The following ABCC12 variants were observed in gnomAD, a reference collection of about 807,000 sequenced individuals.
ABCC12 encodes the protein ATP-binding cassette sub-family C member 12.
A neutral mutation model predicts 151.1 loss-of-function variants in ABCC12; 142 were observed. The observed-to-expected ratio is 0.94, with a 90% CI of 0.82 to 1.08. The LOEUF (loss-of-function observed/expected upper bound fraction) is 1.08. ABCC12 is among the 50% of genes least tolerant of loss of function. The pLI is 0.00. For synonymous variants in ABCC12, 645 were observed against 646.4 expected, an observed-to-expected ratio of 1.00 and a Z score of 0.03; for missense variants, 1,638 against 1,691.1, an observed-to-expected ratio of 0.97 and a Z score of 0.55.
rs1017943493 is a variant in ABCC12 at position 48,082,188 on chromosome 16, C to A, written c.*1527G>T. On this transcript the variant is annotated 3_prime_UTR_variant, in exon 31 of 31. Transcript: ENST00000311303. ...CCCTGGCTCACGTCCTTCTCAGCCA[C>A]ATGTCTTAGTGCACCCTCTGCTGAG... Among the ~76,000 whole-genome samples, 5 of 152,230 alleles carry A rather than the reference C, an allele frequency of 3.3e-5. No homozygotes were observed. The highest frequency in any genetic ancestry group is 3.3e-4 in the Admixed American group (5 of 15,284).
In ABCC12 at chr16:48,141,369, A is replaced by T; in HGVS notation, c.276-16T>A. ...GACTCGAAATCTGTGATGAAAAAACAGAAGCATAAAATGGATTGGCACTTC... is the reference window on the plus strand; with the variant it reads ...GACTCGAAATCTGTGATGAAAAAACTGAAGCATAAAATGGATTGGCACTTC... On this transcript the variant is annotated splice_polypyrimidine_tract_variant and intron_variant, in intron 4 of 30. Transcript: ENST00000311303. 2 of 1,595,436 alleles carry T rather than the reference A, an allele frequency of 1.3e-6. No individual in the cohort carries two copies. The highest frequency in any genetic ancestry group is 1.7e-6 in the Non-Finnish European group (2 of 1,179,290).
intron 13 of ABCC12, among the ~76,000 whole-genome samples, chr16:48,121,036 A>G (rs561888612): frequency 6.6e-6 from 1 of 152,346 alleles, no homozygotes; most frequent in South Asian, 2.1e-4. Flanking sequence ...CATTCTGTGC[A>G]ATAGATCACT....
Position 48,081,730 on chromosome 16 carries a change from G to A in ABCC12, c.*1985C>T, listed in dbSNP as rs144847930. 3.5e-4 allele frequency among the ~76,000 whole-genome samples: 54 copies of A among 152,308 alleles called. No individual in the cohort carries two copies. Among genetic ancestry groups the A allele is most frequent in the African/African-American group, 1.3e-3 (52 of 41,570 alleles). On this transcript the variant is annotated 3_prime_UTR_variant, in exon 31 of 31. Transcript: ENST00000311303. Reference sequence around the variant, plus strand: ...TTCTTCTGCCAGAGTAAACCAAAGCGAGTGTGGGCAGAAAAGGAGTCATAG... The same window carrying A: ...TTCTTCTGCCAGAGTAAACCAAAGCAAGTGTGGGCAGAAAAGGAGTCATAG...
chr16:48,127,164 T>C (rs957462461), intron 11 of ABCC12, among the ~76,000 whole-genome samples: 11 of 152,126 alleles, frequency 7.2e-5, no homozygotes, highest in Admixed American at 5.2e-4. Context: ...GAGCTTGACA[T>C]TGCATAATAA....
At chr16:48,114,582 C>T (rs921328965) in intron 15 of ABCC12, among the ~76,000 whole-genome samples, 2 of 152,176 alleles carry the variant, frequency 1.3e-5, no homozygotes, top group South Asian at 2.1e-4. Context: ...AGGAATCTCT[C>T]GTCGGGCAAG....
chr16:48,146,330 A>C lies in ABCC12; in HGVS notation c.95T>G (p.Met32Arg). 1 of 1,614,170 alleles carries C rather than the reference A, an allele frequency of 6.2e-7. No individual in the cohort carries two copies. The highest frequency in any genetic ancestry group is 8.5e-7 in the Non-Finnish European group (1 of 1,180,010). ...AERYDPSLKT[M>R]IPVRPCARLA... ...CCTTGCACAGGGTCGCACTGGGATCATGGTCTTCAGGCTGGGGTCATATCT... is the reference window on the plus strand; with the variant it reads ...CCTTGCACAGGGTCGCACTGGGATCCTGGTCTTCAGGCTGGGGTCATATCT... The change falls in exon 3 of 31, where the codon ATG becomes AGG. Residue 32 changes from methionine (M) to arginine (R), a missense_variant. Coordinates refer to ENST00000311303, the MANE Select transcript of ABCC12 (RefSeq NM_001393797.1).
chr16:48,153,312 T>A (rs1240139176), intron 2 of ABCC12, among the ~76,000 whole-genome samples: 1 of 152,234 alleles, frequency 6.6e-6, no homozygotes, highest in East Asian at 1.9e-4. Context: ...TTCTGTTACT[T>A]TTCTGTAAGT....
At position 48,088,725 on chromosome 16, in the gene ABCC12, G is replaced by T; in HGVS notation, c.3295C>A (p.Pro1099Thr). ...LLREYISTCV[P>T]ECTHPLKVGT... ...ACTTTGAGGGGATGAGTGCATTCAG[G>T]AACACAGGTCTGTAAAGGAGAATAA... is the stretch of plus-strand genomic sequence containing the variant. The change falls in exon 26 of 31, where the codon CCT (proline) becomes ACT (threonine). Residue 1099 changes from proline (P) to threonine (T), a missense_variant. Physicochemically the swap from Pro to Thr is conservative, Grantham distance 38. Coordinates refer to ENST00000311303, the MANE Select transcript of ABCC12 (RefSeq NM_001393797.1). 6.2e-7 allele frequency: 1 copy of T among 1,613,168 alleles called. No individual in the cohort carries two copies. Among genetic ancestry groups the T allele is most frequent in the Non-Finnish European group, 8.5e-7 (1 of 1,179,596 alleles).
chr16:48,108,082 A>G (rs1431554194), intron 19 of ABCC12, among the ~76,000 whole-genome samples: 1 of 152,180 alleles, frequency 6.6e-6, no homozygotes, highest in East Asian at 1.9e-4. Flanking sequence ...AGAGACAGAG[A>G]GTGAAACTAC....
At chr16:48,115,760 C>A in intron 14 of ABCC12, 142 bp from the exon 15 acceptor site, 1 of 868,208 alleles carries the variant, frequency 1.2e-6, no homozygotes, top group Non-Finnish European at 1.7e-6. Context: ...CCGCCCCTTA[C>A]AGGGCCCCCG....
chr16:48,112,387 G>A (rs1963727805), intron 15 of ABCC12, among the ~76,000 whole-genome samples: 1 of 152,186 alleles, frequency 6.6e-6, no homozygotes, highest in Non-Finnish European at 1.5e-5. Context: ...CCTAAGGTCA[G>A]GAGTTCGAGA....
chr16:48,144,010 A>G lies in ABCC12; in HGVS notation c.175T>C (p.Trp59Arg). The change falls in exon 4 of 31, where the codon TGG becomes CGG. Residue 59 changes from tryptophan (W) to arginine (R), a missense_variant. Coordinates refer to ENST00000311303, the MANE Select transcript of ABCC12 (RefSeq NM_001393797.1). The stretch of plus-strand genomic sequence containing the variant: ...CCTTTCACCATCACCGGCGTGAGCC[A>G]GGAAAATGTGGCGAAGGAGAGTAGC... ...AGLLSFATFS[W>R]LTPVMVKGYR... 1.2e-6 allele frequency: 2 copies of G among 1,614,258 alleles called. No homozygotes were observed. Among genetic ancestry groups the G allele is most frequent in the Non-Finnish European group, 1.7e-6 (2 of 1,180,040 alleles).
chr16:48,096,039 G>A (rs1963081322), intron 24 of ABCC12, among the ~76,000 whole-genome samples: 1 of 152,154 alleles, frequency 6.6e-6, no homozygotes, highest in South Asian at 2.1e-4. Flanking sequence ...GCAAAATGGG[G>A]ACCACAGCAG....
At chr16:48,110,475 T>C (rs1255143285) in intron 18 of ABCC12, among the ~76,000 whole-genome samples, 1 of 152,208 alleles carries the variant, frequency 6.6e-6, no homozygotes, top group East Asian at 1.9e-4. Flanking sequence ...TTGAGGACTA[T>C]TGACCTCAGT....
chr16:48,130,478 A>T (rs1036157486), intron 10 of ABCC12, among the ~76,000 whole-genome samples: 2 of 152,218 alleles, frequency 1.3e-5, no homozygotes, highest in African/African-American at 2.4e-5. Context: ...AGTGGGGATG[A>T]CTCAGAACAA....
rs1410440098 is a variant in ABCC12 at position 48,146,465 on chromosome 16, C to G, written c.-41G>C. On this transcript the variant is annotated 5_prime_UTR_variant, in exon 3 of 31. Coordinates refer to ENST00000311303, the MANE Select transcript of ABCC12 (RefSeq NM_001393797.1). Reference sequence around the variant, plus strand: ...GAGCCCTGGGCTTTTGGCCTGGGGACACTTTCACTCTATGGCAGAGAAATG... The same window carrying G: ...GAGCCCTGGGCTTTTGGCCTGGGGAGACTTTCACTCTATGGCAGAGAAATG... 1 of 1,506,610 alleles carries G rather than the reference C, an allele frequency of 6.6e-7. No individual in the cohort carries two copies. Among genetic ancestry groups the G allele is most frequent in the East Asian group, 2.3e-5 (1 of 44,378 alleles). The allele number at this position is 1,506,610 out of a possible 1,614,324, so 93.3% of individuals were successfully genotyped here. A position where few individuals can be genotyped will look rare whatever the true frequency, so the allele number is the denominator to read the frequency against.
chr16:48,141,213 A>G lies in ABCC12; in HGVS notation c.416T>C (p.Ile139Thr). 1 of 1,613,846 alleles carries G rather than the reference A, an allele frequency of 6.2e-7. No individual in the cohort carries two copies. Among genetic ancestry groups the G allele is most frequent in the Non-Finnish European group, 8.5e-7 (1 of 1,179,794 alleles). ...ANILCIIMAA[I>T]GPTVLIHQIL... ...AAGGGCTGCCGCACTCACCGGCCCT[A>G]TGGCTGCCATGATGATGCACAGGAT... The change falls in exon 5 of 31, where the codon ATA becomes ACA. Residue 139 changes from isoleucine to threonine, a missense_variant. Coordinates refer to ENST00000311303, the MANE Select transcript of ABCC12 (RefSeq NM_001393797.1).
intron 21 of ABCC12, 146 bp downstream of exon 21, chr16:48,104,993 T>A: frequency 1.1e-6 from 1 of 873,778 alleles, no homozygotes; most frequent in Non-Finnish European, 1.8e-6. Flanking sequence ...ATTAGCTATT[T>A]GGGAGACTCT....
chr16:48,119,347 G>A (rs1304010773), intron 13 of ABCC12, among the ~76,000 whole-genome samples: 1 of 152,196 alleles, frequency 6.6e-6, no homozygotes, highest in African/African-American at 2.4e-5. Flanking sequence ...CATCTTAAGG[G>A]CAAAGATACA....
Sources: allele counts gnomAD v4.1 joint callset (sites outside exome capture counted in the v4.1 genomes callset), GRCh38; gene constraint gnomAD v4.1.1; transcripts MANE v1.5; gene names NCBI Gene and HGNC (gene_info 2026-07-23, HGNC 2026-07-21).